The following RBFOX1 variants were observed in gnomAD, a reference collection of about 807,000 sequenced individuals.
The protein encoded by RBFOX1 is RNA binding fox-1 homolog 1.
RBFOX1 carries 8 observed loss-of-function variants against 57.7 expected under a neutral mutation model. The observed-to-expected ratio is 0.14, with a 90% CI of 0.08 to 0.25. RBFOX1 has a LOEUF of 0.25. Among genes scored for constraint, RBFOX1 ranks in the 10% least tolerant of loss-of-function variants. The pLI is 1.00. For missense variants in RBFOX1, 611 were observed against 548.5 expected, an observed-to-expected ratio of 1.11 and a Z score of -1.14; for synonymous variants, 326 against 222.4, an observed-to-expected ratio of 1.47 and a Z score of -4.15.
chr16:6,224,821 G>A (rs1018763131), intron 1 of RBFOX1, among the ~76,000 whole-genome samples: 2 of 152,072 alleles, frequency 1.3e-5, no homozygotes, highest in African/African-American at 4.8e-5. Flanking sequence ...AGGAGTTTGA[G>A]ACCAGCCTGA....
chr16:6,112,573 C>A (rs938427482), intron 1 of RBFOX1, among the ~76,000 whole-genome samples: 1 of 152,104 alleles, frequency 6.6e-6, no homozygotes, highest in Non-Finnish European at 1.5e-5. Context: ...TGCCTGTAAT[C>A]CCAGCTACCT....
chr16:6,738,110 T>C (rs1374744991), intron 3 of RBFOX1, among the ~76,000 whole-genome samples: 2 of 151,680 alleles, frequency 1.3e-5, no homozygotes, highest in East Asian at 3.9e-4. Flanking sequence ...CATTTTCCTC[T>C]TGTCAAGATG....
chr16:6,904,749 T>G (rs940728305), intron 3 of RBFOX1, among the ~76,000 whole-genome samples: 2 of 152,018 alleles, frequency 1.3e-5, no homozygotes, highest in Non-Finnish European at 2.9e-5. Flanking sequence ...GCCTTGCACC[T>G]GCTGGGAAGG....
chr16:6,073,790 TA>T lies in RBFOX1; in HGVS notation c.-127+53799del, dbSNP rs199606927. On this transcript the variant is annotated intron_variant, in intron 1 of 15. Transcript: ENST00000550418. ...TTGAAGCAGAACCATAAAAGGTATATATTTTTTTTATTTGATAGGGCTCTTT... is the reference window on the plus strand; with the variant it reads ...TTGAAGCAGAACCATAAAAGGTATATTTTTTTTTATTTGATAGGGCTCTTT... Among the ~76,000 whole-genome samples, 24 of 146,650 alleles carry T rather than the reference TA, an allele frequency of 1.6e-4. No homozygotes were observed. In the South Asian group the frequency reaches 3.2e-3, roughly 20 times the overall value.
intron 4 of RBFOX1, among the ~76,000 whole-genome samples, chr16:7,506,755 T>G (rs2073442250): frequency 1.3e-5 from 2 of 152,220 alleles, no homozygotes; most frequent in African/African-American, 2.4e-5. Flanking sequence ...TCCATTTGTT[T>G]AGCACCTCAG....
chr16:7,230,440 G>T (rs1047348585), intron 4 of RBFOX1, among the ~76,000 whole-genome samples: 3 of 152,132 alleles, frequency 2.0e-5, no homozygotes, highest in African/African-American at 7.2e-5. Flanking sequence ...AAATCCCACA[G>T]ATTTTGAGAT....
At chr16:5,583,443 C>T (rs148868174) in intron 2 of RBFOX1, among the ~76,000 whole-genome samples, 4 of 152,294 alleles carry the variant, frequency 2.6e-5, no homozygotes, top group Admixed American at 6.5e-5. Flanking sequence ...ATAAGTCAAA[C>T]GCCGAGCTCT....
chr16:7,406,750 C>T (rs1399133136), intron 4 of RBFOX1, among the ~76,000 whole-genome samples: 2 of 152,200 alleles, frequency 1.3e-5, no homozygotes, highest in Non-Finnish European at 2.9e-5. Flanking sequence ...GAGTGACTCT[C>T]TTAGCGTTCC....
intron 4 of RBFOX1, among the ~76,000 whole-genome samples, chr16:7,426,629 C>T (rs562304590): frequency 8.5e-5 from 13 of 152,262 alleles, no homozygotes; most frequent in Middle Eastern, 3.4e-3. Context: ...CGCTGTGCTG[C>T]GTGGCTGTCT....
At chr16:6,387,874 T>A (rs1035884182) in intron 2 of RBFOX1, among the ~76,000 whole-genome samples, 3 of 151,942 alleles carry the variant, frequency 2.0e-5, no homozygotes, top group Admixed American at 2.0e-4. Context: ...GTGTGTGGCT[T>A]CCACCTGGCT....
chr16:5,806,980 C>T (rs1373723965), intron 3 of RBFOX1, among the ~76,000 whole-genome samples: 1 of 152,156 alleles, frequency 6.6e-6, no homozygotes, highest in Non-Finnish European at 1.5e-5. Context: ...AGAAAAATGT[C>T]TTGCCATGGC....
chr16:6,692,386 A>G (rs552834893), intron 3 of RBFOX1, among the ~76,000 whole-genome samples: 5 of 152,222 alleles, frequency 3.3e-5, no homozygotes, highest in East Asian at 3.9e-4. Flanking sequence ...GATACCTGGT[A>G]TCTCTCCCTA....
intron 5 of RBFOX1, among the ~76,000 whole-genome samples, chr16:7,558,612 TA>T (rs1283832996): frequency 1.3e-5 from 2 of 152,172 alleles, no homozygotes; most frequent in African/African-American, 2.4e-5. Context: ...AGGTTGTGTT[TA>T]ACAACAGAGT....
chr16:5,254,978 T>G (rs2062547444), intron 1 of RBFOX1, among the ~76,000 whole-genome samples: 1 of 152,128 alleles, frequency 6.6e-6, no homozygotes, highest in African/African-American at 2.4e-5. Context: ...ATGGAGGGAT[T>G]AAGGAACCCC....
chr16:5,812,844 T>C (rs2055483324), intron 3 of RBFOX1, among the ~76,000 whole-genome samples: 1 of 152,200 alleles, frequency 6.6e-6, no homozygotes, highest in African/African-American at 2.4e-5. Flanking sequence ...TCCTCGTGAC[T>C]AATGATGTTG....
At chr16:6,051,963 G>C (rs899246436) in intron 1 of RBFOX1, among the ~76,000 whole-genome samples, 5 of 152,218 alleles carry the variant, frequency 3.3e-5, no homozygotes, top group South Asian at 4.2e-4. Flanking sequence ...TCCCTCACCT[G>C]GACCGACAAG....
intron 1 of RBFOX1, among the ~76,000 whole-genome samples, chr16:6,313,158 A>C (rs982136001): frequency 6.6e-6 from 1 of 152,150 alleles, no homozygotes; most frequent in Non-Finnish European, 1.5e-5. Flanking sequence ...GGGAAAGTCC[A>C]TGGTGCTGGT....
At chr16:6,959,248 G>A (rs77247016) in intron 3 of RBFOX1, among the ~76,000 whole-genome samples, 6,312 of 152,232 alleles carry the variant, frequency 0.041, 171 homozygotes, top group East Asian at 0.084. Context: ...TCAGGGGACA[G>A]GCAGATTTTG....
intron 3 of RBFOX1, among the ~76,000 whole-genome samples, chr16:6,758,832 C>G (rs1312778846): frequency 6.6e-6 from 1 of 152,134 alleles, no homozygotes; most frequent in Non-Finnish European, 1.5e-5. Context: ...AACTTTAACT[C>G]TGGGTAATGT....
Sources: allele counts gnomAD v4.1 joint callset (sites outside exome capture counted in the v4.1 genomes callset), GRCh38; gene constraint gnomAD v4.1.1; transcripts MANE v1.5; gene names NCBI Gene and HGNC (gene_info 2026-07-23, HGNC 2026-07-21).